The following VWF variants were observed in gnomAD, a reference collection of about 807,000 sequenced individuals.
VWF encodes the protein von Willebrand factor.
In VWF, 176 loss-of-function variants were observed where a neutral mutation model predicts 308.6. That is an observed-to-expected ratio of 0.57 (90% CI 0.50 to 0.65). The LOEUF is 0.65. Ranked by LOEUF, VWF falls within the 30% of genes least tolerant of loss-of-function variation. VWF has a pLI of 0.00. For synonymous variants in VWF, 1,385 were observed against 1,443.4 expected (o/e 0.96, Z 0.92); for missense variants, 3,146 against 3,648.2 (o/e 0.86, Z 3.55).
intron 43 of VWF, among the ~76,000 whole-genome samples, chr12:5,974,269 G>A (rs979987433): frequency 6.6e-6 from 1 of 151,998 alleles, no homozygotes; most frequent in Non-Finnish European, 1.5e-5. Flanking sequence ...AGCCTCCCAC[G>A]TCCCCTGAGA....
At chr12:6,085,735 G>T (rs1944961429) in intron 6 of VWF, among the ~76,000 whole-genome samples, 1 of 149,630 alleles carries the variant, frequency 6.7e-6, no homozygotes, top group Non-Finnish European at 1.5e-5. Context: ...GGCGCGGGGG[G>T]CGGGGGCAAG....
Position 5,967,515 on chromosome 12 carries a change from T to C in VWF, c.7858A>G (p.Arg2620Gly), listed in dbSNP as rs1316145511. ...GVISGFKLEC[R>G]KTTCNPCPLG... is the part of the protein sequence containing the mutation. Reference sequence around the variant, plus strand: ...GGGCAGGGGTTGCAGGTGGTCTTCCTGCACTCCAGCTTGAATCCAGAGATG... The same window carrying C: ...GGGCAGGGGTTGCAGGTGGTCTTCCCGCACTCCAGCTTGAATCCAGAGATG... The change falls in exon 47 of 52, where the codon AGG becomes GGG. Residue 2620 changes from arginine (R) to glycine (G), a missense_variant. Coordinates refer to ENST00000261405, the MANE Select transcript of VWF (RefSeq NM_000552.5). 1.9e-6 allele frequency: 3 copies of C among 1,614,174 alleles called. No individual in the cohort carries two copies. The highest frequency in any genetic ancestry group is 4.5e-5 in the East Asian group (2 of 44,872).
intron 14 of VWF, 87 bp from the exon 15 acceptor site, chr12:6,057,159 C>T: frequency 4.7e-6 from 6 of 1,272,618 alleles, no homozygotes; most frequent in Non-Finnish European, 5.4e-6. Flanking sequence ...GGAAATAGCC[C>T]AGTGCTGCTA....
chr12:6,021,835 T>A (rs1177380710), intron 27 of VWF, 65 bp downstream of exon 27: 21 of 1,611,076 alleles, frequency 1.3e-5, no homozygotes, highest in Middle Eastern at 1.7e-4. Context: ...AAACCTAGTC[T>A]CTAAGCTGGC....
At position 6,046,415 on chromosome 12, in the gene VWF, C is replaced by A. The variant is rs2136442589; in HGVS notation, c.2281+308G>T. ...CACAATCAAGGCCACCAACTCACAG[C>A]TATCCACTGGGTTAAGGTCTCCACG... On this transcript the variant is annotated intron_variant, in intron 17 of 51. Transcript: ENST00000261405. The surrounding 1 kb of genome is among the most constrained non-coding windows in gnomAD (Gnocchi z 5.0). Among the ~76,000 whole-genome samples, 1 of 152,372 alleles carries A rather than the reference C, an allele frequency of 6.6e-6. No individual in the cohort carries two copies. Among genetic ancestry groups the A allele is most frequent in the South Asian group, 2.1e-4 (1 of 4,830 alleles).
chr12:6,067,010 G>A (rs755487231), intron 10 of VWF, among the ~76,000 whole-genome samples: 6 of 152,210 alleles, frequency 3.9e-5, no homozygotes, highest in Non-Finnish European at 8.8e-5. Flanking sequence ...ATCCAGCCCA[G>A]AGGAAATTAG....
At chr12:6,036,595 A>G in intron 18 of VWF, 104 bp from the exon 19 acceptor site, 1 of 1,103,114 alleles carries the variant, frequency 9.1e-7, no homozygotes, top group Non-Finnish European at 1.3e-6. Context: ...GCCTACGGGT[A>G]AGCCCAGCAC....
intron 34 of VWF, among the ~76,000 whole-genome samples, chr12:6,010,166 C>T (rs1374415522): frequency 6.6e-6 from 1 of 152,080 alleles, no homozygotes; most frequent in African/African-American, 2.4e-5. Context: ...TGGGGAAAGG[C>T]ATGAGCAGAA....
rs528832830 is a variant in VWF, at chr12:6,083,384, G to A, written c.658-7833C>T. Among the ~76,000 whole-genome samples, 6 of 152,254 alleles carry A rather than the reference G, an allele frequency of 3.9e-5. No individual in the cohort carries two copies. The East Asian group carries it at 1.2e-3, about 30-fold the overall frequency. ...CCAGGAGTTTGAGACCAGCAATATG[G>A]CAAAACCTTATCTCTACAAAAATAT... On this transcript the variant is annotated intron_variant, in intron 6 of 51. Transcript: ENST00000261405.
In VWF at chr12:5,980,091, AAAGGAAGGAAGGAAGGAAGGAAGGAAGG is replaced by A. The variant is rs199720992; in HGVS notation, c.7287+1667_7287+1694del. 5.3e-4 allele frequency among the ~76,000 whole-genome samples: 40 copies of A among 74,840 alleles called. No homozygotes were observed. In the East Asian group the frequency reaches 0.013, roughly 25 times the overall value. 49.1% of individuals were successfully genotyped at this position (74,840 alleles called of 152,430 possible). A position where few individuals can be genotyped will look rare whatever the true frequency, so the allele number is the denominator to read the frequency against. On this transcript the variant is annotated intron_variant, in intron 42 of 51. Transcript: ENST00000261405. Reference sequence around the variant, plus strand: ...AAAGAAAGAAAGAAAGAAAAGAAAGAAAGGAAGGAAGGAAGGAAGGAAGGAAGGAAGGAAGGAAGGAAGGAAGAAAGGA... The same window carrying A: ...AAAGAAAGAAAGAAAGAAAAGAAAGAAAGGAAGGAAGGAAGGAAGAAAGGA...
chr12:6,095,052 C>T (rs1055095356), intron 6 of VWF, among the ~76,000 whole-genome samples: 1 of 151,918 alleles, frequency 6.6e-6, no homozygotes, highest in African/African-American at 2.4e-5. Flanking sequence ...CCCACCTTGG[C>T]CTCCCAAAGT....
intron 18 of VWF, among the ~76,000 whole-genome samples, chr12:6,040,392 C>G (rs937019836): frequency 3.9e-5 from 6 of 152,100 alleles, no homozygotes; most frequent in African/African-American, 1.4e-4. Context: ...TGTGCTAATT[C>G]CCTGCAGCAT....
At chr12:6,021,857 C>A in intron 27 of VWF, 43 bp downstream of exon 27, 1 of 1,613,830 alleles carries the variant, frequency 6.2e-7, no homozygotes, top group Non-Finnish European at 8.5e-7. Flanking sequence ...CCTGGAGAAG[C>A]AATAAGATTC....
intron 47 of VWF, 129 bp from the exon 48 acceptor site, chr12:5,953,723 A>G (rs12297442): frequency 0.26 from 197,255 of 757,442 alleles, 27,848 homozygotes; most frequent in South Asian, 0.34. Flanking sequence ...GAAAGTCAAC[A>G]TCCAACTCCA....
rs1440670181 is a variant in VWF, at chr12:6,058,871, A to C, written c.1534-827T>G. Among the ~76,000 whole-genome samples, 1 of 152,180 alleles carries C rather than the reference A, an allele frequency of 6.6e-6. No individual in the cohort carries two copies. Among genetic ancestry groups the C allele is most frequent in the Non-Finnish European group, 1.5e-5 (1 of 68,018 alleles). ...AGTGGAGCCCGCCCTTCCCCCACAC[A>C]GCTGGGGGCATCTGCTGGTTTCTAC... is the stretch of plus-strand genomic sequence containing the variant. On this transcript the variant is annotated intron_variant, in intron 13 of 51. Coordinates refer to ENST00000261405, the MANE Select transcript of VWF (RefSeq NM_000552.5). The surrounding 1 kb of genome is among the most constrained non-coding windows in gnomAD (Gnocchi z 4.9).
chr12:6,060,737 C>T lies in VWF; in HGVS notation c.1533+2217G>A, dbSNP rs1944646209. 6.6e-6 allele frequency among the ~76,000 whole-genome samples: 1 copy of T among 152,170 alleles called. No homozygotes were observed. The highest frequency in any genetic ancestry group is 1.5e-5 in the Non-Finnish European group (1 of 68,044). Reference sequence around the variant, plus strand: ...CCCAAAGATAACCCTACATCCCCTCCCACAGAAAGAAGTTGGCTTCTCTTC... The same window carrying T: ...CCCAAAGATAACCCTACATCCCCTCTCACAGAAAGAAGTTGGCTTCTCTTC... On this transcript the variant is annotated intron_variant, in intron 13 of 51. Transcript: ENST00000261405. The surrounding 1 kb of genome is among the most constrained non-coding windows in gnomAD (Gnocchi z 5.1).
intron 38 of VWF, among the ~76,000 whole-genome samples, chr12:5,989,135 A>G (rs1268672331): frequency 6.6e-6 from 1 of 152,138 alleles, no homozygotes; most frequent in Admixed American, 6.5e-5. Context: ...CTGTCACTAC[A>G]GCACCCACCA....
chr12:5,980,188 A>AGGG (rs1565817236), intron 42 of VWF, among the ~76,000 whole-genome samples: 4 of 100,816 alleles, frequency 4.0e-5, no homozygotes, highest in Non-Finnish European at 6.1e-5. Context: ...GGAGGGAGGG[A>AGGG]AGGAAGGAAG....
chr12:6,011,312 G>A lies in VWF; in HGVS notation c.5842+305C>T, dbSNP rs2136403080. 2.0e-5 allele frequency among the ~76,000 whole-genome samples: 3 copies of A among 152,294 alleles called. 1 individual carries two copies. Among genetic ancestry groups the A allele is most frequent in the Admixed American group, 2.0e-4 (3 of 15,298 alleles). On this transcript the variant is annotated intron_variant, in intron 34 of 51. Coordinates refer to ENST00000261405, the MANE Select transcript of VWF (RefSeq NM_000552.5). Reference sequence around the variant, plus strand: ...TACCCTGAATACACAGATTCCTAAAGGTTGACTTGCCAACAGCCAAGCTGA... The same window carrying A: ...TACCCTGAATACACAGATTCCTAAAAGTTGACTTGCCAACAGCCAAGCTGA...
Sources: gnomAD v4.1 joint callset for allele counts (sites outside exome capture counted in the v4.1 genomes callset) on GRCh38, gnomAD v4.1.1 for gene constraint, Gnocchi (gnomAD v3.1) non-coding constraint, MANE v1.5 for transcripts, NCBI Gene and HGNC (gene_info 2026-07-23, HGNC 2026-07-21) for gene names.